PKD1L3: variants seen among roughly 807,000 people sequenced by gnomAD.
PKD1L3 encodes the protein polycystin-1-like protein 3.
Under a neutral mutation model 184.1 loss-of-function variants are expected in PKD1L3, and 239 were observed. The observed-to-expected ratio is 1.30, with a 90% confidence interval of 1.17 to 1.45. The LOEUF (loss-of-function observed/expected upper bound fraction) is 1.45, where lower values mean the gene tolerates loss of function less well. Among genes scored for constraint, PKD1L3 ranks in the 40% most tolerant of loss-of-function variants. The pLI, the probability that PKD1L3 is intolerant of heterozygous loss-of-function variation, is 0.00. For synonymous variants in PKD1L3, 996 were observed against 778.8 expected (o/e 1.28, Z -4.64); for missense variants, 2,660 against 2,067.2 (o/e 1.29, Z -5.56).
chr16:71,996,599 C>T (rs1333671571), intron 2 of PKD1L3, among the ~76,000 whole-genome samples: 3 of 152,026 alleles, frequency 2.0e-5, no homozygotes, highest in Non-Finnish European at 2.9e-5. Context: ...TCCTTCCTGC[C>T]CCCATGCCCT....
intron 16 of PKD1L3, among the ~76,000 whole-genome samples, chr16:71,959,013 G>C (rs2039164150): frequency 6.7e-6 from 1 of 148,246 alleles, no homozygotes; most frequent in African/African-American, 2.5e-5. Context: ...GAACGTGGGA[G>C]GCAGAGGTTA....
At chr16:71,981,029 C>T (rs929757253) in intron 7 of PKD1L3, among the ~76,000 whole-genome samples, 55 of 152,210 alleles carry the variant, frequency 3.6e-4, no homozygotes, top group African/African-American at 1.2e-3. Context: ...GTTTTCAAAG[C>T]TCATGTTGGA....
intron 5 of PKD1L3, among the ~76,000 whole-genome samples, chr16:71,985,741 G>C (rs1296735904): frequency 6.6e-6 from 1 of 152,028 alleles, no homozygotes; most frequent in Non-Finnish European, 1.5e-5. Context: ...TAATTTTTTT[G>C]AACTTTAGTA....
intron 2 of PKD1L3, among the ~76,000 whole-genome samples, chr16:71,996,253 C>CTTT (rs67457253): frequency 2.5e-4 from 17 of 67,896 alleles, no homozygotes; most frequent in East Asian, 1.5e-3. Context: ...CCTCCCCCGC[C>CTTT]TTTTTTTTTT....
intron 13 of PKD1L3, among the ~76,000 whole-genome samples, chr16:71,968,391 A>C (rs540829701): frequency 6.6e-6 from 1 of 152,318 alleles, no homozygotes; most frequent in East Asian, 1.9e-4. Context: ...CTGTTCATTT[A>C]AAATGCAAAT....
chr16:71,975,319 A>G (rs2039878856), intron 11 of PKD1L3, among the ~76,000 whole-genome samples: 1 of 151,822 alleles, frequency 6.6e-6, no homozygotes, highest in African/African-American at 2.4e-5. Context: ...TGGCCTCTCA[A>G]AGTGCTGGCG....
intron 4 of PKD1L3, among the ~76,000 whole-genome samples, chr16:71,989,237 C>G (rs913399770): frequency 6.6e-6 from 1 of 152,226 alleles, no homozygotes; most frequent in Non-Finnish European, 1.5e-5. Flanking sequence ...CCACTGCAAA[C>G]TCCGCCTCCT....
intron 4 of PKD1L3, among the ~76,000 whole-genome samples, chr16:71,988,406 GCTGGCCTCGAAATC>G (rs1189999663): frequency 6.6e-6 from 1 of 152,122 alleles, no homozygotes; most frequent in Non-Finnish European, 1.5e-5. Flanking sequence ...TGTTGGCCTG[GCTGGCCTCGAAATC>G]CTGGCCTCAA....
intron 16 of PKD1L3, among the ~76,000 whole-genome samples, chr16:71,957,414 A>G (rs2039089649): frequency 6.6e-6 from 1 of 151,572 alleles, no homozygotes; most frequent in Non-Finnish European, 1.5e-5. Context: ...AAAGATAGAG[A>G]TTGGCAGAAT....
chr16:71,959,456 A>G (rs1469794661), intron 16 of PKD1L3, among the ~76,000 whole-genome samples: 1 of 152,174 alleles, frequency 6.6e-6, no homozygotes, highest in East Asian at 1.9e-4. Flanking sequence ...AAGAATACAG[A>G]AAACTAGAAT....
At chr16:71,947,461 A>G (rs1022765602) in intron 22 of PKD1L3, 31 bp downstream of exon 22, 2 of 1,450,776 alleles carry the variant, frequency 1.4e-6, no homozygotes, top group Non-Finnish European at 1.9e-6. Context: ...TTTTTGCAAA[A>G]TTAGGTAGTT....
At chr16:71,955,957 CA>C (rs1362029613) in intron 16 of PKD1L3, among the ~76,000 whole-genome samples, 1 of 152,098 alleles carries the variant, frequency 6.6e-6, no homozygotes, top group Non-Finnish European at 1.5e-5. Flanking sequence ...CTTTCCTTTA[CA>C]AATTACCCAG....
At position 71,978,495 on chromosome 16, in the gene PKD1L3, GTATATATATA is replaced by G. The variant is rs4045545; in HGVS notation, c.1399-122_1399-113del. On this transcript the variant is annotated intron_variant, in intron 9 of 29. Transcript: ENST00000620267. ...TATATATGTGTGTGTGTGTGTGTGT[GTATATATATA>G]TATATATATATATATACATACATAC... 252 of 145,776 alleles carry G rather than the reference GTATATATATA, an allele frequency of 1.7e-3. 1 individual carries two copies. Among genetic ancestry groups the G allele is most frequent in the African/African-American group, 7.7e-3 (203 of 26,510 alleles). 9.0% of individuals were successfully genotyped at this position (145,776 alleles called of 1,614,324 possible).
At chr16:71,968,043 C>T (rs771109320) in intron 13 of PKD1L3, 36 bp from the exon 14 acceptor site, 28 of 1,498,436 alleles carry the variant, frequency 1.9e-5, no homozygotes, top group African/African-American at 1.4e-5. Context: ...CTTACTAGGC[C>T]TCCACTTGGT....
rs369761756 is a variant in PKD1L3 at position 71,942,463 on chromosome 16, G to A, written c.4324+97C>T. ...AATTTACCTCTCTTGTACTCTTCCAGGAAGTTACCTTCAATGAAACCACAT... is the reference window on the plus strand; with the variant it reads ...AATTTACCTCTCTTGTACTCTTCCAAGAAGTTACCTTCAATGAAACCACAT... On this transcript the variant is annotated intron_variant, in intron 24 of 29. Transcript: ENST00000620267. 4.6e-5 allele frequency: 50 copies of A among 1,085,754 alleles called. 1 individual carries two copies. Among genetic ancestry groups the A allele is most frequent in the Admixed American group, 3.8e-4 (15 of 39,096 alleles). The allele number at this position is 1,085,754 out of a possible 1,614,324, so 67.3% of individuals were successfully genotyped here. A position where few individuals can be genotyped will look rare whatever the true frequency, so the allele number is the denominator to read the frequency against.
Position 71,952,982 on chromosome 16 carries a change from T to C in PKD1L3, c.2921A>G (p.Gln974Arg), listed in dbSNP as rs1597310841. The C allele has an allele frequency of 6.5e-7, 1 of 1,549,860 alleles. No individual in the cohort carries two copies. Among genetic ancestry groups the C allele is most frequent in the Non-Finnish European group, 8.7e-7 (1 of 1,146,310 alleles). The change falls in exon 18 of 30, where the codon CAG (glutamine) becomes CGG (arginine). Residue 974 changes from glutamine (Q) to arginine (R), a missense_variant. Coordinates refer to ENST00000620267, the MANE Select transcript of PKD1L3 (RefSeq NM_181536.2). ...IGRLFPLIEP[Q>R]ETLPLFPPIQ... ...GGGAGGAAAGAGGGGCAGAGTCTCC[T>C]GTGGCTCAATCAACGGGAAGAGCCG...
intron 1 of PKD1L3, among the ~76,000 whole-genome samples, chr16:71,999,269 T>TC (rs1448513787): frequency 1.1e-5 from 1 of 94,626 alleles, no homozygotes; most frequent in Non-Finnish European, 2.1e-5. Flanking sequence ...AGACTCCATC[T>TC]CAAAAAAAAA....
At chr16:71,989,400 G>A (rs982493761) in intron 4 of PKD1L3, among the ~76,000 whole-genome samples, 6 of 152,190 alleles carry the variant, frequency 3.9e-5, no homozygotes, top group African/African-American at 9.6e-5. Context: ...TGATCCGCCC[G>A]CCTCGGCCTC....
chr16:71,964,533 T>G (rs2039422004), intron 15 of PKD1L3, among the ~76,000 whole-genome samples: 1 of 151,486 alleles, frequency 6.6e-6, no homozygotes, highest in African/African-American at 2.4e-5. Flanking sequence ...GAGATGGGGT[T>G]TCACTGTGTT....
Sources: gnomAD v4.1 joint callset for allele counts (sites outside exome capture counted in the v4.1 genomes callset) on GRCh38, gnomAD v4.1.1 for gene constraint, MANE v1.5 for transcripts, NCBI Gene and HGNC (gene_info 2026-07-23, HGNC 2026-07-21) for gene names.